HIVEP3: variants seen among roughly 807,000 people sequenced by gnomAD.
HIVEP3 encodes transcription factor HIVEP3.
HIVEP3 carries 49 observed loss-of-function variants against 152.8 expected under a neutral mutation model. The observed-to-expected ratio is 0.32, with a 90% CI of 0.26 to 0.41. The LOEUF is 0.41. Ranked by LOEUF, HIVEP3 falls within the 10% of genes least tolerant of loss-of-function variation. The probability of loss-of-function intolerance (pLI) is 1.00; values close to 1 mark genes in which losing one functional copy is unlikely to be tolerated. For synonymous variants in HIVEP3, 1,269 were observed against 1,289.0 expected (o/e 0.98, Z 0.33); for missense variants, 2,790 against 3,103.3 (o/e 0.90, Z 2.40).
At chr1:41,659,966 G>A (rs1645687500) in intron 2 of HIVEP3, among the ~76,000 whole-genome samples, 1 of 152,372 alleles carries the variant, frequency 6.6e-6, no homozygotes, top group South Asian at 2.1e-4. Flanking sequence ...GTGTGTGAGA[G>A]TGTGCGTAGG....
At chr1:41,616,561 A>G (rs958653847) in intron 3 of HIVEP3, among the ~76,000 whole-genome samples, 9 of 130,398 alleles carry the variant, frequency 6.9e-5, no homozygotes, top group African/African-American at 2.4e-4. Context: ...CTGAGGCAAT[A>G]GCAATTACTT....
At chr1:41,785,013 C>T (rs1054275204) in intron 1 of HIVEP3, among the ~76,000 whole-genome samples, 1 of 152,152 alleles carries the variant, frequency 6.6e-6, no homozygotes, top group African/African-American at 2.4e-5. Context: ...ACTGAGATCC[C>T]CCAAGAGGGC....
intron 1 of HIVEP3, among the ~76,000 whole-genome samples, chr1:41,936,265 T>G (rs1406467202): frequency 2.0e-5 from 3 of 152,146 alleles, no homozygotes; most frequent in African/African-American, 7.2e-5. Flanking sequence ...TCTATTCAGA[T>G]GACTCATGTG....
At chr1:41,595,671 G>A (rs550431124) in intron 3 of HIVEP3, among the ~76,000 whole-genome samples, 12 of 152,288 alleles carry the variant, frequency 7.9e-5, no homozygotes, top group African/African-American at 2.9e-4. Context: ...ATTTGAGTCA[G>A]TGGACTGGGA....
chr1:41,512,855 C>G lies in HIVEP3; in HGVS notation c.6366G>C (p.Lys2122Asn). ...AGGTCTCTGGGCTTCTGCTGAGGAGCTTGTGAGGTAGAGGCGCGGGCGGGA... is the reference window on the plus strand; with the variant it reads ...AGGTCTCTGGGCTTCTGCTGAGGAGGTTGTGAGGTAGAGGCGCGGGCGGGA... Reference protein sequence around the residue: ...VLFPPAPLPHKLLSRSPETCA... With the variant: ...VLFPPAPLPHNLLSRSPETCA... The change falls in exon 8 of 9, where the codon AAG (lysine) becomes AAC (asparagine). Residue 2122 changes from lysine (K) to asparagine (N), a missense_variant. Around this residue, in one of 9 missense-constraint regions of HIVEP3, gnomAD observed 816 missense variants for 806.5 expected, o/e 1.01. Coordinates refer to ENST00000372583, the MANE Select transcript of HIVEP3 (RefSeq NM_024503.5). 1 of 1,542,334 alleles carries G rather than the reference C, an allele frequency of 6.5e-7. No individual in the cohort carries two copies. Among genetic ancestry groups the G allele is most frequent in the Non-Finnish European group, 8.8e-7 (1 of 1,139,568 alleles).
chr1:41,618,589 T>C (rs1645002555), intron 3 of HIVEP3, among the ~76,000 whole-genome samples: 1 of 152,116 alleles, frequency 6.6e-6, no homozygotes, highest in Non-Finnish European at 1.5e-5. Context: ...TCCCGTTCTT[T>C]CCCTTTCGGT....
intron 1 of HIVEP3, among the ~76,000 whole-genome samples, chr1:41,878,509 T>C (rs1299115036): frequency 6.6e-6 from 1 of 152,226 alleles, no homozygotes; most frequent in Non-Finnish European, 1.5e-5. Context: ...TGTCTTAGTT[T>C]ACAACCACCT....
At chr1:41,959,539 A>T (rs1310164920) in intron 1 of HIVEP3, among the ~76,000 whole-genome samples, 1 of 152,240 alleles carries the variant, frequency 6.6e-6, no homozygotes, top group Non-Finnish European at 1.5e-5. Flanking sequence ...GAGCATTGGA[A>T]CAACCTCTTA....
intron 1 of HIVEP3, among the ~76,000 whole-genome samples, chr1:41,778,459 T>C (rs772285087): frequency 1.3e-5 from 2 of 152,144 alleles, no homozygotes; most frequent in Non-Finnish European, 2.9e-5. Context: ...TGAAATGACA[T>C]TGAATACCTG....
At chr1:41,782,344 G>A (rs1454782070) in intron 1 of HIVEP3, among the ~76,000 whole-genome samples, 1 of 152,218 alleles carries the variant, frequency 6.6e-6, no homozygotes, top group Non-Finnish European at 1.5e-5. Flanking sequence ...CATGGGTACA[G>A]GGTTTCAGTT....
chr1:41,839,288 A>G (rs1643216836), intron 1 of HIVEP3, among the ~76,000 whole-genome samples: 1 of 152,210 alleles, frequency 6.6e-6, no homozygotes, highest in African/African-American at 2.4e-5. Flanking sequence ...TATCAAGAGT[A>G]CAGGTGATCT....
At chr1:41,876,119 T>G (rs1644166683) in intron 1 of HIVEP3, among the ~76,000 whole-genome samples, 1 of 151,564 alleles carries the variant, frequency 6.6e-6, no homozygotes, top group African/African-American at 2.4e-5. Context: ...GTGTTAAGTT[T>G]TTTTTTTTTT....
chr1:41,811,998 A>G (rs549330164), intron 1 of HIVEP3, among the ~76,000 whole-genome samples: 1 of 152,310 alleles, frequency 6.6e-6, no homozygotes, highest in South Asian at 2.1e-4. Context: ...TGGCTTAAGA[A>G]GACAGAAGGC....
chr1:41,549,895 T>A (rs1389296414), intron 5 of HIVEP3, among the ~76,000 whole-genome samples: 3 of 152,060 alleles, frequency 2.0e-5, no homozygotes, highest in Non-Finnish European at 4.4e-5. Flanking sequence ...CCCATTTGTC[T>A]ATTTTGGCTT....
At chr1:41,755,386 G>A (rs1387410800) in intron 1 of HIVEP3, among the ~76,000 whole-genome samples, 1 of 152,062 alleles carries the variant, frequency 6.6e-6, no homozygotes, top group East Asian at 1.9e-4. Flanking sequence ...TCAGGACCTA[G>A]AGCCCAGTGA....
At chr1:41,845,586 A>G (rs1250114597) in intron 1 of HIVEP3, among the ~76,000 whole-genome samples, 1 of 152,212 alleles carries the variant, frequency 6.6e-6, no homozygotes, top group African/African-American at 2.4e-5. Flanking sequence ...TTAAAAACTC[A>G]TGTTTTATAT....
chr1:41,774,685 T>C (rs543545660), intron 1 of HIVEP3, among the ~76,000 whole-genome samples: 2 of 152,302 alleles, frequency 1.3e-5, no homozygotes, highest in South Asian at 4.1e-4. Flanking sequence ...AAATAATACA[T>C]TTTAGAGTAA....
chr1:41,799,860 A>G (rs1288975507), intron 1 of HIVEP3, among the ~76,000 whole-genome samples: 1 of 152,050 alleles, frequency 6.6e-6, no homozygotes, highest in Non-Finnish European at 1.5e-5. Context: ...ACAGGGCCCC[A>G]GGGAAAAATG....
intron 1 of HIVEP3, among the ~76,000 whole-genome samples, chr1:41,852,813 T>C (rs754809167): frequency 2.2e-4 from 34 of 152,366 alleles, no homozygotes; most frequent in Middle Eastern, 3.4e-3. Flanking sequence ...ACAAGTCTCA[T>C]GCAAACAGTA....
Sources: allele counts gnomAD v4.1 joint callset (sites outside exome capture counted in the v4.1 genomes callset), GRCh38; gene constraint gnomAD v4.1.1; regional missense constraint gnomAD v4.1.1; transcripts MANE v1.5; gene names NCBI Gene and HGNC (gene_info 2026-07-23, HGNC 2026-07-21).